Variants in YTHDC2 observed in about 807,000 individuals in gnomAD.
YTHDC2 encodes the protein 3'-5' RNA helicase YTHDC2.
A neutral mutation model predicts 174.9 loss-of-function variants in YTHDC2; 45 were observed. The observed-to-expected ratio is 0.26, with a 90% CI of 0.20 to 0.33. The LOEUF (loss-of-function observed/expected upper bound fraction) is 0.33. YTHDC2 is among the 10% of genes least tolerant of loss of function. The probability of loss-of-function intolerance (pLI) is 1.00; values close to 1 mark genes in which losing one functional copy is unlikely to be tolerated. For missense variants in YTHDC2, 1,650 were observed against 1,723.7 expected (o/e 0.96, Z 0.76); for synonymous variants, 657 against 574.5 (o/e 1.14, Z -2.05).
chr5:113,537,585 C>T (rs1580519455), intron 7 of YTHDC2, among the ~76,000 whole-genome samples: 1 of 151,312 alleles, frequency 6.6e-6, no homozygotes, highest in Admixed American at 6.6e-5. Context: ...CCTTCCTTTC[C>T]CACTATTCCC....
intron 17 of YTHDC2, among the ~76,000 whole-genome samples, chr5:113,558,648 A>T (rs1776760726): frequency 6.6e-6 from 1 of 152,086 alleles, no homozygotes; most frequent in Admixed American, 6.5e-5. Flanking sequence ...GGTTATTTTG[A>T]GTTTGAGTTG....
intron 19 of YTHDC2, 31 bp downstream of exon 19, chr5:113,563,523 A>G (rs1343596807): frequency 6.5e-7 from 1 of 1,547,934 alleles, no homozygotes; most frequent in African/African-American, 1.4e-5. Flanking sequence ...ATTTTACATG[A>G]CATTTTTACT....
At chr5:113,541,876 A>G (rs902628470) in intron 9 of YTHDC2, among the ~76,000 whole-genome samples, 1 of 152,094 alleles carries the variant, frequency 6.6e-6, no homozygotes, top group Non-Finnish European at 1.5e-5. Context: ...TGGGTCATGG[A>G]ACAGCATTTT....
At chr5:113,516,124 G>C (rs1186635519) in intron 2 of YTHDC2, among the ~76,000 whole-genome samples, 4 of 152,174 alleles carry the variant, frequency 2.6e-5, no homozygotes, top group Non-Finnish European at 5.9e-5. Flanking sequence ...TAGTTTAAAA[G>C]TTGAAGTTGA....
intron 5 of YTHDC2, among the ~76,000 whole-genome samples, chr5:113,534,051 A>G (rs905578955): frequency 6.6e-6 from 1 of 152,214 alleles, no homozygotes; most frequent in South Asian, 2.1e-4. Flanking sequence ...GCAAGCAAAA[A>G]GTATTTAAGG....
intron 4 of YTHDC2, among the ~76,000 whole-genome samples, chr5:113,531,886 T>C (rs1310563825): frequency 1.3e-5 from 2 of 152,224 alleles, no homozygotes; most frequent in Admixed American, 1.3e-4. Flanking sequence ...GGTAGGAGTA[T>C]AAATTGTTTT....
At chr5:113,534,226 G>A (rs2112586752) in intron 5 of YTHDC2, 79 bp from the exon 6 acceptor site, 1 of 1,039,276 alleles carries the variant, frequency 9.6e-7, no homozygotes, top group Non-Finnish European at 1.5e-6. Context: ...TGTGTACGAG[G>A]CCAGCATTTA....
intron 10 of YTHDC2, among the ~76,000 whole-genome samples, chr5:113,543,488 C>T (rs141630024): frequency 1.1e-4 from 16 of 152,330 alleles, no homozygotes; most frequent in African/African-American, 3.6e-4. Context: ...CTGTACATTT[C>T]ACTCCCCTAG....
intron 17 of YTHDC2, among the ~76,000 whole-genome samples, chr5:113,560,812 G>A (rs772604226): frequency 6.6e-6 from 1 of 152,096 alleles, no homozygotes; most frequent in Non-Finnish European, 1.5e-5. Context: ...ACTTTTATAT[G>A]TATGCTATTT....
chr5:113,543,252 T>C (rs1775611262), intron 10 of YTHDC2, among the ~76,000 whole-genome samples: 1 of 152,190 alleles, frequency 6.6e-6, no homozygotes, highest in Non-Finnish European at 1.5e-5. Flanking sequence ...CAACTTCTGA[T>C]CCCCTCCCTA....
intron 21 of YTHDC2, among the ~76,000 whole-genome samples, chr5:113,566,264 T>G (rs1329749230): frequency 1.3e-5 from 2 of 152,188 alleles, no homozygotes; most frequent in Non-Finnish European, 2.9e-5. Flanking sequence ...CTTGTGATAC[T>G]GTTGGCAATG....
rs1779166048 is a variant in YTHDC2 at position 113,594,584 on chromosome 5, A to G, written c.*1110A>G. The G allele has an allele frequency of 1.3e-5, 2 of 151,934 alleles. No homozygotes were observed. Among genetic ancestry groups the G allele is most frequent in the Admixed American group, 6.6e-5 (1 of 15,238 alleles). 9.4% of individuals were successfully genotyped at this position (151,934 alleles called of 1,614,324 possible). On this transcript the variant is annotated 3_prime_UTR_variant, in exon 30 of 30. Coordinates refer to ENST00000161863, the MANE Select transcript of YTHDC2 (RefSeq NM_022828.5). ...GTGCCAAGTCTCATATTTCTTTGCC[A>G]TCTCAGAATTATCTTTTTACCACCA...
chr5:113,539,300 A>G, intron 8 of YTHDC2, 119 bp downstream of exon 8: 1 of 430,652 alleles, frequency 2.3e-6, no homozygotes, highest in East Asian at 4.3e-5. Flanking sequence ...CTTGTATATA[A>G]TTGTATAACC....
At chr5:113,566,518 A>C (rs1219623270) in intron 21 of YTHDC2, among the ~76,000 whole-genome samples, 1 of 147,502 alleles carries the variant, frequency 6.8e-6, no homozygotes, top group Non-Finnish European at 1.5e-5. Flanking sequence ...TTTGAGTAGC[A>C]AAAAAAAATT....
intron 2 of YTHDC2, 131 bp from the exon 3 acceptor site, chr5:113,524,850 T>G (rs878863740): frequency 2.9e-6 from 2 of 677,998 alleles, no homozygotes; most frequent in Admixed American, 4.2e-5. Context: ...TTTTGGACTT[T>G]CAGCATCTTC....
chr5:113,527,857 C>T (rs977816090), intron 4 of YTHDC2, among the ~76,000 whole-genome samples: 8 of 152,044 alleles, frequency 5.3e-5, no homozygotes, highest in East Asian at 1.9e-4. Context: ...GGTGCTATCT[C>T]GGCTTACTGC....
intron 16 of YTHDC2, 84 bp from the exon 17 acceptor site, chr5:113,555,967 AT>A: frequency 2.8e-6 from 2 of 716,840 alleles, no homozygotes. Context: ...AACTTTTGGC[AT>A]GTTAAAATAT....
At chr5:113,546,329 C>T (rs1330696537) in intron 10 of YTHDC2, among the ~76,000 whole-genome samples, 2 of 150,488 alleles carry the variant, frequency 1.3e-5, no homozygotes, top group Non-Finnish European at 3.0e-5. Context: ...ACTCAGGTCT[C>T]TCCTCTGCTC....
intron 21 of YTHDC2, among the ~76,000 whole-genome samples, chr5:113,566,510 T>A (rs2112730275): frequency 6.6e-6 from 1 of 151,048 alleles, no homozygotes; most frequent in African/African-American, 2.4e-5. Context: ...ATTGCCTTTT[T>A]GAGTAGCAAA....
Sources: allele counts gnomAD v4.1 joint callset (sites outside exome capture counted in the v4.1 genomes callset), GRCh38; gene constraint gnomAD v4.1.1; transcripts MANE v1.5; gene names NCBI Gene and HGNC (gene_info 2026-07-23, HGNC 2026-07-21).